The following CCDC12 variants were observed in gnomAD, a reference collection of about 807,000 sequenced individuals.
The protein encoded by CCDC12 is coiled-coil domain containing 12, also known as coiled-coil domain-containing protein 12.
In CCDC12, 28 loss-of-function variants were observed where a neutral mutation model predicts 25.7. The observed-to-expected ratio is 1.09, with a 90% CI of 0.81 to 1.50. The LOEUF is 1.50. Among genes scored for constraint, CCDC12 ranks in the 40% most tolerant of loss-of-function variants. CCDC12 has a pLI of 0.00. For missense variants in CCDC12, 198 were observed against 210.0 expected, an observed-to-expected ratio of 0.94 and a Z score of 0.35; for synonymous variants, 75 against 87.7, an observed-to-expected ratio of 0.86 and a Z score of 0.81.
chr3:46,933,044 G>A (rs1001296105), intron 2 of CCDC12, among the ~76,000 whole-genome samples: 1 of 152,246 alleles, frequency 6.6e-6, no homozygotes, highest in Admixed American at 6.5e-5. Flanking sequence ...CTGCAGTAGA[G>A]AAGCTACCTG....
chr3:46,924,382 TTACCC>T (rs1412174097), intron 3 of CCDC12, among the ~76,000 whole-genome samples: 6 of 152,188 alleles, frequency 3.9e-5, no homozygotes, highest in African/African-American at 1.4e-4. Context: ...CAGTGCACCA[TTACCC>T]TACCAGGTGG....
rs538965632 is a variant in CCDC12 at position 46,953,664 on chromosome 3, A to G, written c.97-12599T>C. Among the ~76,000 whole-genome samples the G allele has an allele frequency of 1.1e-3, 171 of 152,126 alleles. 1 individual carries two copies. The highest frequency in any genetic ancestry group is 3.8e-3 in the African/African-American group (156 of 41,478). On this transcript the variant is annotated intron_variant, in intron 1 of 6. Coordinates refer to ENST00000683445, the MANE Select transcript of CCDC12 (RefSeq NM_001277074.2). ...TCAAGCTTGGAAAAAAAAAAAAAAA[A>G]AAGTCCAGCTTTGCTGGTGCAGAAG... is the stretch of plus-strand genomic sequence containing the variant.
chr3:46,957,738 T>A (rs2107173867), intron 1 of CCDC12, among the ~76,000 whole-genome samples: 1 of 152,130 alleles, frequency 6.6e-6, no homozygotes, highest in Non-Finnish European at 1.5e-5. Context: ...AGTCAGGAGT[T>A]CGAGACCAGG....
At chr3:46,949,464 C>T (rs1488679743) in intron 1 of CCDC12, among the ~76,000 whole-genome samples, 1 of 152,204 alleles carries the variant, frequency 6.6e-6, no homozygotes, top group East Asian at 1.9e-4. Flanking sequence ...ACGAGTTCCT[C>T]TGGGAAGTCT....
At chr3:46,964,513 G>C (rs1236198576) in intron 1 of CCDC12, among the ~76,000 whole-genome samples, 2 of 152,262 alleles carry the variant, frequency 1.3e-5, no homozygotes, top group Non-Finnish European at 2.9e-5. Context: ...ACAGAAAAGG[G>C]GGAAAGGTGG....
intron 2 of CCDC12, among the ~76,000 whole-genome samples, chr3:46,936,059 T>G (rs1483980617): frequency 6.6e-6 from 1 of 152,212 alleles, no homozygotes; most frequent in Admixed American, 6.5e-5. Flanking sequence ...CTCTTCAAGA[T>G]GGCTGGTGAG....
At chr3:46,940,501 A>T (rs2033657121) in intron 2 of CCDC12, 1 of 159,872 alleles carries the variant, frequency 6.3e-6, no homozygotes, top group African/African-American at 2.4e-5. Context: ...TCAAAGGTAT[A>T]GGAGAGATGA....
chr3:46,971,235 TG>T (rs1015817895), intron 1 of CCDC12, among the ~76,000 whole-genome samples: 4 of 152,286 alleles, frequency 2.6e-5, no homozygotes, highest in Non-Finnish European at 5.9e-5. Context: ...CCTCAGGCTC[TG>T]CCTGGCTTTC....
At chr3:46,935,506 TAA>T (rs1213125309) in intron 2 of CCDC12, among the ~76,000 whole-genome samples, 17 of 143,692 alleles carry the variant, frequency 1.2e-4, no homozygotes, top group Non-Finnish European at 2.6e-4. Context: ...GAGAGCTTTT[TAA>T]AAAAAAAAAA....
chr3:46,927,583 C>T (rs908872642), intron 2 of CCDC12, among the ~76,000 whole-genome samples: 3 of 152,154 alleles, frequency 2.0e-5, no homozygotes, highest in South Asian at 4.1e-4. Context: ...CAGAGCCTTG[C>T]GCCCACTGTG....
chr3:46,940,106 A>G lies in CCDC12; in HGVS notation c.164+892T>C, dbSNP rs538702481. Among the ~76,000 whole-genome samples the G allele has an allele frequency of 4.6e-5, 7 of 152,360 alleles. No individual in the cohort carries two copies. The South Asian group carries it at 1.5e-3, about 32-fold the overall frequency. ...CAGGGCTAGGCATGGGAGGGAGGAC[A>G]TGAGACCTCTGGAACTGCTGACACG... On this transcript the variant is annotated intron_variant, in intron 2 of 6. Coordinates refer to ENST00000683445, the MANE Select transcript of CCDC12 (RefSeq NM_001277074.2).
intron 1 of CCDC12, among the ~76,000 whole-genome samples, chr3:46,945,772 G>A (rs535062822): frequency 2.0e-4 from 31 of 152,206 alleles, no homozygotes; most frequent in Non-Finnish European, 3.1e-4. Flanking sequence ...CTAAGTTATT[G>A]AATTTACTGG....
intron 2 of CCDC12, among the ~76,000 whole-genome samples, chr3:46,934,443 C>T (rs777147798): frequency 6.6e-6 from 1 of 152,248 alleles, no homozygotes; most frequent in Non-Finnish European, 1.5e-5. Flanking sequence ...GAAATTTTAG[C>T]CAAGTCACTT....
intron 1 of CCDC12, among the ~76,000 whole-genome samples, chr3:46,964,254 G>A (rs1191254141): frequency 8.6e-5 from 13 of 151,116 alleles, no homozygotes; most frequent in African/African-American, 2.4e-4. Flanking sequence ...GAGCCCCTCC[G>A]CCCGGCAGCC....
intron 2 of CCDC12, among the ~76,000 whole-genome samples, chr3:46,934,539 T>C (rs2033364576): frequency 6.6e-6 from 1 of 152,156 alleles, no homozygotes; most frequent in African/African-American, 2.4e-5. Context: ...AAGAGGGGCT[T>C]TGGAAGCTGA....
At chr3:46,978,052 C>A (rs558135441), upstream of CCDC12, among the ~76,000 whole-genome samples, 102 of 152,374 alleles carry the variant, frequency 6.7e-4, 1 homozygote, top group African/African-American at 2.3e-3. Context: ...GGACAACTAG[C>A]CTCTTAGGCT....
chr3:46,976,387 C>T, intron 1 of CCDC12: 2 of 1,397,138 alleles, frequency 1.4e-6, no homozygotes, highest in Non-Finnish European at 1.9e-6. Flanking sequence ...GTCAGATGGA[C>T]TGCGGGTCGC....
At chr3:46,937,299 C>A (rs1267753724) in intron 2 of CCDC12, among the ~76,000 whole-genome samples, 1 of 152,190 alleles carries the variant, frequency 6.6e-6, no homozygotes, top group Non-Finnish European at 1.5e-5. Flanking sequence ...ATCTGGATTC[C>A]AGACTTAAAA....
intron 2 of CCDC12, among the ~76,000 whole-genome samples, chr3:46,931,954 T>C (rs2033235287): frequency 6.6e-6 from 1 of 152,160 alleles, no homozygotes; most frequent in South Asian, 2.1e-4. Context: ...CTCTGTTTGC[T>C]TTAGGCTCTG....
Sources: gnomAD v4.1 joint callset for allele counts (sites outside exome capture counted in the v4.1 genomes callset) on GRCh38, gnomAD v4.1.1 for gene constraint, MANE v1.5 for transcripts, NCBI Gene and HGNC (gene_info 2026-07-23, HGNC 2026-07-21) for gene names.